The following NBEA variants were observed in gnomAD, a reference collection of about 807,000 sequenced individuals.
NBEA encodes the protein lysosomal-trafficking regulator 2.
NBEA carries 44 observed loss-of-function variants against 343.4 expected under a neutral mutation model. The observed-to-expected ratio is 0.13, with a 90% CI of 0.10 to 0.16. The LOEUF (loss-of-function observed/expected upper bound fraction) is 0.16. Ranked by LOEUF, NBEA falls within the 10% of genes least tolerant of loss-of-function variation. The pLI, the probability that NBEA is intolerant of heterozygous loss-of-function variation, is 1.00. For synonymous variants in NBEA, 1,175 were observed against 1,238.7 expected, an observed-to-expected ratio of 0.95 and a Z score of 1.08; for missense variants, 2,555 against 3,631.3, an observed-to-expected ratio of 0.70 and a Z score of 7.62.
chr13:35,654,880 G>A lies in NBEA; in HGVS notation c.8061G>A (p.Arg2687=), dbSNP rs2084738658. The part of the protein sequence containing the change: ...LIANNSGVNK[R]QITDLVDQSI... ...CCAATAATTCAGGTGTAAACAAACG[G>A]CAGATCACAGACCTCGTTGACCAGA... Residue 2687 remains arginine, a synonymous_variant, in exon 54 of 59, where the codon CGG becomes CGA. Transcript: ENST00000379939. The A allele has an allele frequency of 6.4e-7, 1 of 1,573,658 alleles. No individual in the cohort carries two copies. Among genetic ancestry groups the A allele is most frequent in the East Asian group, 2.4e-5 (1 of 41,882 alleles).
Position 34,981,302 on chromosome 13 carries a change from A to G in NBEA, c.294+38188A>G, listed in dbSNP as rs73492306. Among the ~76,000 whole-genome samples, 969 of 152,288 alleles carry G rather than the reference A, an allele frequency of 6.4e-3. 11 individuals are homozygous for G. Among genetic ancestry groups the G allele is most frequent in the African/African-American group, 0.022 (929 of 41,550 alleles). ...ATTATCCATTTACCAGTTTACGACCATTTGAATTGTTTCTAATTTTTGGCT... is the reference window on the plus strand; with the variant it reads ...ATTATCCATTTACCAGTTTACGACCGTTTGAATTGTTTCTAATTTTTGGCT... On this transcript the variant is annotated intron_variant, in intron 1 of 58. Transcript: ENST00000379939.
Position 35,452,018 on chromosome 13 carries a change from C to G in NBEA, c.6305-74C>G, listed in dbSNP as rs2046337405. The stretch of plus-strand genomic sequence containing the variant: ...GCAGCATATAATTTAATAAAGCAAT[C>G]AATTATTTATAATACCTACTATAAG... On this transcript the variant is annotated intron_variant, in intron 39 of 58. Coordinates refer to ENST00000379939, the MANE Select transcript of NBEA (RefSeq NM_001385012.1). 8.8e-6 allele frequency: 9 copies of G among 1,026,432 alleles called. No individual in the cohort carries two copies. The South Asian group carries it at 1.4e-4, about 16-fold the overall frequency. The allele number at this position is 1,026,432 out of a possible 1,614,324, so 63.6% of individuals were successfully genotyped here.
intron 1 of NBEA, among the ~76,000 whole-genome samples, chr13:35,004,709 T>G (rs1386058361): frequency 6.6e-6 from 1 of 152,188 alleles, no homozygotes; most frequent in Non-Finnish European, 1.5e-5. Flanking sequence ...CTTAATAAAA[T>G]GATCATAGTA....
At chr13:35,570,749 T>C (rs1214216749) in intron 45 of NBEA, among the ~76,000 whole-genome samples, 1 of 152,194 alleles carries the variant, frequency 6.6e-6, no homozygotes, top group Non-Finnish European at 1.5e-5. Flanking sequence ...GCTAGAAACC[T>C]GAGACTATCC....
intron 1 of NBEA, among the ~76,000 whole-genome samples, chr13:34,997,659 A>G (rs956617198): frequency 7.9e-5 from 12 of 152,178 alleles, no homozygotes; most frequent in African/African-American, 2.9e-4. Context: ...TTCCCAACCA[A>G]GTGTTACTGA....
At chr13:35,605,575 G>T (rs2082249903) in intron 47 of NBEA, among the ~76,000 whole-genome samples, 1 of 152,076 alleles carries the variant, frequency 6.6e-6, no homozygotes, top group African/African-American at 2.4e-5. Flanking sequence ...GATCAGGATG[G>T]TACACATAAA....
chr13:35,240,828 G>A (rs2030124146), intron 34 of NBEA, among the ~76,000 whole-genome samples: 1 of 151,762 alleles, frequency 6.6e-6, no homozygotes, highest in African/African-American at 2.4e-5. Context: ...CCTGGGATAC[G>A]TGGTAATAAT....
chr13:35,261,747 A>G (rs1426561113), intron 34 of NBEA, among the ~76,000 whole-genome samples: 2 of 152,148 alleles, frequency 1.3e-5, no homozygotes, highest in Admixed American at 6.5e-5. Flanking sequence ...GACCAGAGCC[A>G]TAGAAACCTA....
At chr13:35,328,236 A>G (rs187116748) in intron 36 of NBEA, among the ~76,000 whole-genome samples, 1 of 152,180 alleles carries the variant, frequency 6.6e-6, no homozygotes, top group African/African-American at 2.4e-5. Flanking sequence ...TATATAAAAC[A>G]TTGGAAACTG....
intron 18 of NBEA, among the ~76,000 whole-genome samples, chr13:35,147,972 AAG>A (rs1218280868): frequency 6.6e-6 from 1 of 152,128 alleles, no homozygotes; most frequent in Non-Finnish European, 1.5e-5. Context: ...CATTTTCTGA[AAG>A]AGAGTTACCC....
intron 1 of NBEA, among the ~76,000 whole-genome samples, chr13:34,970,468 T>C (rs571729249): frequency 6.6e-6 from 1 of 152,288 alleles, no homozygotes; most frequent in Admixed American, 6.5e-5. Flanking sequence ...GCCTATGTCC[T>C]GAATGGTATT....
intron 33 of NBEA, among the ~76,000 whole-genome samples, chr13:35,220,905 T>C (rs59974376): frequency 0.15 from 22,370 of 152,142 alleles, 1,704 homozygotes; most frequent in South Asian, 0.2. Flanking sequence ...TTTCCCCCTA[T>C]GCCTATTTCT....
chr13:35,205,220 A>T (rs2073305446), intron 31 of NBEA, among the ~76,000 whole-genome samples: 1 of 152,140 alleles, frequency 6.6e-6, no homozygotes, highest in African/African-American at 2.4e-5. Context: ...AAGGGGAAAT[A>T]GTTCTTACAA....
chr13:35,003,956 G>T (rs574518775), intron 1 of NBEA, among the ~76,000 whole-genome samples: 4 of 152,024 alleles, frequency 2.6e-5, no homozygotes, highest in African/African-American at 9.7e-5. Flanking sequence ...CCCTGACAGG[G>T]TGTGTTGTTC....
chr13:35,307,494 A>G (rs1253293611), intron 35 of NBEA, among the ~76,000 whole-genome samples: 2 of 152,046 alleles, frequency 1.3e-5, no homozygotes, highest in Non-Finnish European at 1.5e-5. Flanking sequence ...AGATTGATTC[A>G]AAGATAATTT....
rs1463484136 is a variant in NBEA at position 35,109,432 on chromosome 13, C to T, written c.1823C>T (p.Thr608Ile). The T allele has an allele frequency of 1.9e-6, 3 of 1,607,116 alleles. No individual in the cohort carries two copies. The highest frequency in any genetic ancestry group is 2.7e-5 in the African/African-American group (2 of 74,628). ...TTTAACCCAGCCATCTGGATACATA[C>T]ACCTGCAAAGGTATGAATTTTATAC... ...ILFNPAIWIH[T>I]PAKVQLSLYT... Residue 608 changes from threonine to isoleucine, a missense_variant, in exon 12 of 59, where the codon ACA becomes ATA. Physicochemically the swap from Thr to Ile is moderately conservative, Grantham distance 89 (BLOSUM62 -1). Around this residue, in one of 21 missense-constraint regions of NBEA, gnomAD observed 360 missense variants for 519.1 expected, o/e 0.69. Transcript: ENST00000379939.
At chr13:35,015,673 A>C (rs190009377) in intron 1 of NBEA, among the ~76,000 whole-genome samples, 17 of 152,114 alleles carry the variant, frequency 1.1e-4, no homozygotes, top group African/African-American at 3.6e-4. Context: ...GCCTTCAGAA[A>C]AACATTATGA....
chr13:35,475,334 A>G (rs1252950963), intron 41 of NBEA: 2 of 1,614,020 alleles, frequency 1.2e-6, no homozygotes, highest in East Asian at 4.5e-5. Context: ...TAATTGTTCA[A>G]GGGCTGGCCC....
At chr13:35,260,828 TGGGACA>T (rs1193606444) in intron 34 of NBEA, among the ~76,000 whole-genome samples, 1 of 152,202 alleles carries the variant, frequency 6.6e-6, no homozygotes, top group Non-Finnish European at 1.5e-5. Context: ...ATTGATTTCC[TGGGACA>T]GAGAGTAGAC....
Sources: allele counts gnomAD v4.1 joint callset (sites outside exome capture counted in the v4.1 genomes callset), GRCh38; gene constraint gnomAD v4.1.1; regional missense constraint gnomAD v4.1.1; transcripts MANE v1.5; gene names NCBI Gene and HGNC (gene_info 2026-07-23, HGNC 2026-07-21).